The following SEZ6 variants were observed in gnomAD, a reference collection of about 807,000 sequenced individuals.
The protein encoded by SEZ6 is seizure protein 6 homolog.
A neutral mutation model predicts 101.0 loss-of-function variants in SEZ6; 53 were observed. The ratio of observed to expected loss-of-function variants is 0.52; its 90% confidence interval spans 0.42 to 0.66. The LOEUF is 0.66. Ranked by LOEUF, SEZ6 falls within the 30% of genes least tolerant of loss-of-function variation. The pLI, the probability that SEZ6 is intolerant of heterozygous loss-of-function variation, is 0.00. For synonymous variants in SEZ6, 488 were observed against 512.2 expected, an observed-to-expected ratio of 0.95 and a Z score of 0.64; for missense variants, 1,102 against 1,289.4, an observed-to-expected ratio of 0.85 and a Z score of 2.23.
chr17:28,996,413 C>A (rs1273219662), intron 1 of SEZ6, among the ~76,000 whole-genome samples: 7 of 152,154 alleles, frequency 4.6e-5, no homozygotes, highest in Non-Finnish European at 7.4e-5. Context: ...AGCACTCCAG[C>A]CCATGAGGCT....
chr17:28,990,008 G>A (rs2041434779), intron 1 of SEZ6, among the ~76,000 whole-genome samples: 1 of 152,088 alleles, frequency 6.6e-6, no homozygotes, highest in Admixed American at 6.5e-5. Context: ...GGAGGCGGAG[G>A]TTGCAGTGAG....
chr17:28,974,806 G>T (rs2152687583), intron 3 of SEZ6, among the ~76,000 whole-genome samples: 1 of 152,340 alleles, frequency 6.6e-6, no homozygotes. Context: ...GATCCTGACA[G>T]GTACCGGTCT....
chr17:28,998,823 C>A (rs1346176650), intron 1 of SEZ6, among the ~76,000 whole-genome samples: 1 of 152,208 alleles, frequency 6.6e-6, no homozygotes, highest in Non-Finnish European at 1.5e-5. Context: ...CAGAGGCAAA[C>A]TCTTTTCCTA....
chr17:28,989,563 C>T (rs1374818561), intron 1 of SEZ6, among the ~76,000 whole-genome samples: 2 of 152,028 alleles, frequency 1.3e-5, no homozygotes, highest in Non-Finnish European at 2.9e-5. Context: ...CCTATGTTGC[C>T]CAGACTGGGC....
chr17:28,959,818 C>A lies in SEZ6; in HGVS notation c.1651G>T (p.Val551Leu). ...CAGCTGAACTCCACAGTGGTACCCA[C>A]AGGGTAGGTGGGTGTGCTGCTGCTG... ...NFSSSTPTYP[V>L]GTTVEFSCDP... The change falls in exon 8 of 17, where the codon GTG (valine) becomes TTG (leucine). Residue 551 changes from valine to leucine, a missense_variant. Physicochemically the swap from Val to Leu is conservative, Grantham distance 32. Around this residue, in one of 3 missense-constraint regions of SEZ6, gnomAD observed 556 missense variants for 735.1 expected, o/e 0.76. Coordinates refer to ENST00000317338, the MANE Select transcript of SEZ6 (RefSeq NM_178860.5). This position sits in a 1 kb window ranked among gnomAD's most constrained non-coding sequence, Gnocchi z 4.4. 6.2e-7 allele frequency: 1 copy of A among 1,613,926 alleles called. No homozygotes were observed. Among genetic ancestry groups the A allele is most frequent in the South Asian group, 1.1e-5 (1 of 91,064 alleles).
chr17:28,985,338 G>A (rs2041365355), intron 1 of SEZ6, among the ~76,000 whole-genome samples: 1 of 152,222 alleles, frequency 6.6e-6, no homozygotes, highest in South Asian at 2.1e-4. Flanking sequence ...AAGCCTTCTG[G>A]CTGGGACCCA....
At chr17:28,998,192 G>A (rs1453058003) in intron 1 of SEZ6, among the ~76,000 whole-genome samples, 2 of 152,066 alleles carry the variant, frequency 1.3e-5, no homozygotes, top group African/African-American at 4.8e-5. Flanking sequence ...TTAACAAGGA[G>A]CCATGAGCAA....
Position 28,969,882 on chromosome 17 carries a change from G to A in SEZ6, c.929C>T (p.Pro310Leu). ...CAGCAGGAAAGACTGGTTGGCCAGG[G>A]GCAGTGGGTCAGGCCCCCCCAGGCC... Reference protein sequence around the residue: ...VEGLGGPDPLPLANQSFLLRG... With the variant: ...VEGLGGPDPLLLANQSFLLRG... The change falls in exon 4 of 17, where the codon CCC becomes CTC. Residue 310 changes from proline (P) to leucine (L), a missense_variant. This residue lies in a region of SEZ6 where 406 missense variants were observed against 418.6 expected (regional missense o/e 0.97). Transcript: ENST00000317338. 1.3e-6 allele frequency: 2 copies of A among 1,542,742 alleles called. No individual in the cohort carries two copies. Among genetic ancestry groups the A allele is most frequent in the Non-Finnish European group, 1.7e-6 (2 of 1,153,186 alleles).
chr17:29,002,957 T>C (rs546357151), intron 1 of SEZ6, among the ~76,000 whole-genome samples: 1 of 151,866 alleles, frequency 6.6e-6, no homozygotes, highest in Admixed American at 6.6e-5. Flanking sequence ...CCAGGCCCCC[T>C]CTATCACCAC....
chr17:28,970,992 G>A (rs564827283), intron 3 of SEZ6, among the ~76,000 whole-genome samples: 2 of 152,140 alleles, frequency 1.3e-5, no homozygotes, highest in African/African-American at 4.8e-5. Context: ...CTATCATGCT[G>A]ATCTTCAGGC....
Position 28,957,186 on chromosome 17 carries a change from G to A in SEZ6, c.2551C>T (p.Pro851Ser). Reference protein sequence around the residue: ...LSAPENGARSPEKQLHPAGAT... With the variant: ...LSAPENGARSSEKQLHPAGAT... ...CCTGCTGGGTGTAGCTGCTTCTCAG[G>A]ACTTCGGGCACCATTCTCAGGGGCA... is the stretch of plus-strand genomic sequence containing the variant. Residue 851 changes from proline to serine, a missense_variant, in exon 13 of 17, where the codon CCT (proline) becomes TCT (serine). Coordinates refer to ENST00000317338, the MANE Select transcript of SEZ6 (RefSeq NM_178860.5). 6.2e-7 allele frequency: 1 copy of A among 1,614,002 alleles called. No homozygotes were observed. The highest frequency in any genetic ancestry group is 8.5e-7 in the Non-Finnish European group (1 of 1,179,874).
At chr17:28,980,587 G>A (rs900506414) in intron 2 of SEZ6, among the ~76,000 whole-genome samples, 6 of 151,664 alleles carry the variant, frequency 4.0e-5, no homozygotes, top group African/African-American at 1.2e-4. Flanking sequence ...AGCAAGGGTG[G>A]TCTCGATCTC....
chr17:28,990,095 A>T (rs1000409582), intron 1 of SEZ6, among the ~76,000 whole-genome samples: 1 of 152,138 alleles, frequency 6.6e-6, no homozygotes, highest in Non-Finnish European at 1.5e-5. Context: ...ACACAAAAAA[A>T]AGAATGAAAG....
At chr17:28,981,188 AC>A (rs1188158270) in intron 2 of SEZ6, among the ~76,000 whole-genome samples, 182 bp downstream of exon 2, 1 of 152,242 alleles carries the variant, frequency 6.6e-6, no homozygotes, top group Non-Finnish European at 1.5e-5. Context: ...GAGCCACTGT[AC>A]TTGGCTGAAG....
intron 4 of SEZ6, among the ~76,000 whole-genome samples, chr17:28,968,093 C>T (rs1279627360): frequency 6.6e-6 from 1 of 152,200 alleles, no homozygotes; most frequent in Non-Finnish European, 1.5e-5. Context: ...CCAACATCAG[C>T]TTGGACAGCT....
intron 2 of SEZ6, among the ~76,000 whole-genome samples, chr17:28,980,347 C>G (rs1204144047): frequency 6.6e-6 from 1 of 151,168 alleles, no homozygotes; most frequent in Non-Finnish European, 1.5e-5. Flanking sequence ...GCTAGGATTA[C>G]AGGTGTACAC....
chr17:28,984,755 T>C (rs541304901), intron 1 of SEZ6, among the ~76,000 whole-genome samples: 3 of 152,302 alleles, frequency 2.0e-5, no homozygotes, highest in African/African-American at 7.2e-5. Flanking sequence ...CCAGACCCCC[T>C]GGTTGACTCT....
intron 10 of SEZ6, 58 bp from the exon 11 acceptor site, chr17:28,958,199 C>T (rs1034198033): frequency 2.0e-6 from 3 of 1,537,756 alleles, no homozygotes; most frequent in Middle Eastern, 2.4e-4. Context: ...TGACTGTCCC[C>T]CTCACCTTGA....
intron 2 of SEZ6, among the ~76,000 whole-genome samples, chr17:28,980,269 G>A (rs1306293668): frequency 2.0e-5 from 3 of 149,004 alleles, no homozygotes; most frequent in African/African-American, 7.5e-5. Flanking sequence ...GTGCAATGGC[G>A]TGATCTCAGC....
Sources: allele counts gnomAD v4.1 joint callset (sites outside exome capture counted in the v4.1 genomes callset), GRCh38; gene constraint gnomAD v4.1.1; regional missense constraint gnomAD v4.1.1; non-coding constraint Gnocchi (gnomAD v3.1); transcripts MANE v1.5; gene names NCBI Gene and HGNC (gene_info 2026-07-23, HGNC 2026-07-21).